SNX30: variants seen among roughly 807,000 people sequenced by gnomAD.
SNX30 encodes the protein sorting nexin-30.
In SNX30, 24 loss-of-function variants were observed where a neutral mutation model predicts 46.4. The ratio of observed to expected loss-of-function variants is 0.52; its 90% confidence interval spans 0.37 to 0.73. The LOEUF is 0.73. Ranked by LOEUF, SNX30 falls within the 30% of genes least tolerant of loss-of-function variation. The pLI is 0.00. For missense variants in SNX30, 533 were observed against 555.7 expected (o/e 0.96, Z 0.41); for synonymous variants, 189 against 211.5 (o/e 0.89, Z 0.92).
intron 1 of SNX30, among the ~76,000 whole-genome samples, chr9:112,767,288 T>C (rs765471007): frequency 1.3e-5 from 2 of 152,212 alleles, no homozygotes; most frequent in Non-Finnish European, 2.9e-5. Flanking sequence ...CATTTTAAAA[T>C]TGGGTCTTTT....
intron 8 of SNX30, among the ~76,000 whole-genome samples, chr9:112,867,902 T>A (rs576973631): frequency 1.5e-4 from 23 of 152,314 alleles, no homozygotes; most frequent in African/African-American, 5.5e-4. Context: ...CCTTATGTGA[T>A]TAACTTGCCC....
At chr9:112,814,847 G>A (rs1490688916) in intron 2 of SNX30, among the ~76,000 whole-genome samples, 1 of 152,190 alleles carries the variant, frequency 6.6e-6, no homozygotes, top group East Asian at 1.9e-4. Flanking sequence ...GCTCAATGGT[G>A]TTTACAAAAG....
At chr9:112,761,726 A>G (rs1425093682) in intron 1 of SNX30, among the ~76,000 whole-genome samples, 1 of 152,126 alleles carries the variant, frequency 6.6e-6, no homozygotes, top group Non-Finnish European at 1.5e-5. Flanking sequence ...AGTGAAGTGT[A>G]AAGATGACGT....
chr9:112,844,461 A>G (rs1391647898), intron 6 of SNX30, among the ~76,000 whole-genome samples: 1 of 152,192 alleles, frequency 6.6e-6, no homozygotes, highest in Non-Finnish European at 1.5e-5. Context: ...TGGAGATTGT[A>G]TGAGGAGATG....
At chr9:112,778,150 G>A (rs1222438886) in intron 1 of SNX30, among the ~76,000 whole-genome samples, 2 of 152,096 alleles carry the variant, frequency 1.3e-5, no homozygotes, top group African/African-American at 4.8e-5. Context: ...AAAGTGTTGT[G>A]GATGGGTACC....
chr9:112,876,493 G>A (rs913258697), downstream of SNX30, among the ~76,000 whole-genome samples: 8 of 152,170 alleles, frequency 5.3e-5, no homozygotes, highest in African/African-American at 1.9e-4. Flanking sequence ...GTGGTGGGGT[G>A]TGAGAAGGAG....
At chr9:112,844,136 T>G (rs542658100) in intron 6 of SNX30, among the ~76,000 whole-genome samples, 1 of 152,060 alleles carries the variant, frequency 6.6e-6, no homozygotes, top group African/African-American at 2.4e-5. Flanking sequence ...GGTAGAGACG[T>G]GGGTGGATTT....
Position 112,784,637 on chromosome 9 carries a change from C to T in SNX30, c.157-20139C>T, listed in dbSNP as rs147961316. The stretch of plus-strand genomic sequence containing the variant: ...GCAGAGTTTATAGAGGACTTTCTCA[C>T]ACATCCCCAGTAATCTCCATGCAGC... On this transcript the variant is annotated intron_variant, in intron 1 of 8. Transcript: ENST00000374232. Among the ~76,000 whole-genome samples, 38 of 152,316 alleles carry T rather than the reference C, an allele frequency of 2.5e-4. No homozygotes were observed. The East Asian group carries it at 7.1e-3, about 29-fold the overall frequency.
chr9:112,864,415 A>G lies in SNX30; in HGVS notation c.1254+16A>G. ...TTATGAGAAGGTAATGAGTGTGCCC[A>G]ACAAGACTGGTTTCTAATGGCCAGA... On this transcript the variant is annotated intron_variant, in intron 8 of 8. Coordinates refer to ENST00000374232, the MANE Select transcript of SNX30 (RefSeq NM_001012994.2). 1 of 1,613,964 alleles carries G rather than the reference A, an allele frequency of 6.2e-7. No homozygotes were observed. The highest frequency in any genetic ancestry group is 8.5e-7 in the Non-Finnish European group (1 of 1,179,950).
chr9:112,835,838 G>A (rs112599766), intron 4 of SNX30, among the ~76,000 whole-genome samples: 20 of 152,146 alleles, frequency 1.3e-4, no homozygotes, highest in African/African-American at 4.6e-4. Context: ...GATGGATCTC[G>A]GAACCTCTGC....
chr9:112,776,387 C>A (rs1025896856), intron 1 of SNX30, among the ~76,000 whole-genome samples: 2 of 152,052 alleles, frequency 1.3e-5, no homozygotes, highest in Admixed American at 6.6e-5. Context: ...AAAGTTAAAC[C>A]CACTTATGTT....
chr9:112,845,408 T>C (rs1005424307), intron 6 of SNX30, among the ~76,000 whole-genome samples: 10 of 152,184 alleles, frequency 6.6e-5, no homozygotes, highest in Non-Finnish European at 2.9e-5. Flanking sequence ...GGGACTGAGG[T>C]AGAGCTGAAG....
At chr9:112,860,589 C>G (rs1460565586) in intron 7 of SNX30, among the ~76,000 whole-genome samples, 1 of 152,208 alleles carries the variant, frequency 6.6e-6, no homozygotes, top group Non-Finnish European at 1.5e-5. Flanking sequence ...TTACTCCATC[C>G]TCTCCCTTCT....
chr9:112,779,359 C>G (rs1032787105), intron 1 of SNX30, among the ~76,000 whole-genome samples: 3 of 152,144 alleles, frequency 2.0e-5, no homozygotes, highest in Non-Finnish European at 4.4e-5. Context: ...TTCATATTCT[C>G]TTTTTTTCCT....
chr9:112,862,323 G>A (rs541063785), intron 7 of SNX30, among the ~76,000 whole-genome samples: 51 of 152,226 alleles, frequency 3.4e-4, no homozygotes, highest in Admixed American at 2.6e-3. Context: ...CAGAAGTTTC[G>A]TTAAGCAAAC....
At chr9:112,841,885 T>C (rs576835450) in intron 6 of SNX30, among the ~76,000 whole-genome samples, 17 of 152,356 alleles carry the variant, frequency 1.1e-4, no homozygotes, top group Non-Finnish European at 1.6e-4. Context: ...GGGCAGACTT[T>C]GCTGTGCAGT....
chr9:112,827,449 A>C (rs1010625783), intron 3 of SNX30, among the ~76,000 whole-genome samples: 7 of 152,212 alleles, frequency 4.6e-5, no homozygotes, highest in African/African-American at 1.7e-4. Flanking sequence ...TACTCTTGAT[A>C]ACTAAAACAT....
At chr9:112,768,581 C>A (rs910470900) in intron 1 of SNX30, among the ~76,000 whole-genome samples, 1 of 146,204 alleles carries the variant, frequency 6.8e-6, no homozygotes, top group East Asian at 2.0e-4. Flanking sequence ...AAATTTAGAT[C>A]TAATAGGATG....
rs527546068 is a variant in SNX30, at chr9:112,767,825, C to T, written c.156+16668C>T. ...ATGTTGTCCATGCTGGTCTCAAACTCCTGAACTCACGCGATCCTCCCACCC... is the reference window on the plus strand; with the variant it reads ...ATGTTGTCCATGCTGGTCTCAAACTTCTGAACTCACGCGATCCTCCCACCC... On this transcript the variant is annotated intron_variant, in intron 1 of 8. Coordinates refer to ENST00000374232, the MANE Select transcript of SNX30 (RefSeq NM_001012994.2). 2.9e-3 allele frequency among the ~76,000 whole-genome samples: 443 copies of T among 152,264 alleles called. 3 individuals are homozygous for T. The highest frequency in any genetic ancestry group is 4.6e-3 in the Non-Finnish European group (316 of 68,016).
Sources: gnomAD v4.1 joint callset for allele counts (sites outside exome capture counted in the v4.1 genomes callset) on GRCh38, gnomAD v4.1.1 for gene constraint, MANE v1.5 for transcripts, NCBI Gene and HGNC (gene_info 2026-07-23, HGNC 2026-07-21) for gene names.